Variants in HTR7 observed in about 807,000 individuals in gnomAD.
HTR7 encodes the protein 5-HT-7.
A neutral mutation model predicts 34.0 loss-of-function variants in HTR7; 16 were observed. That is an observed-to-expected ratio of 0.47 (90% confidence interval 0.32 to 0.71). The LOEUF (loss-of-function observed/expected upper bound fraction) is 0.71, where lower values mean the gene tolerates loss of function less well. Among genes scored for constraint, HTR7 ranks in the 30% least tolerant of loss-of-function variants. The pLI, the probability that HTR7 is intolerant of heterozygous loss-of-function variation, is 0.04. For missense variants in HTR7, 504 were observed against 625.5 expected, an observed-to-expected ratio of 0.81 and a Z score of 2.07; for synonymous variants, 265 against 260.2, an observed-to-expected ratio of 1.02 and a Z score of -0.18.
chr10:90,834,242 T>C (rs944995623), intron 1 of HTR7, among the ~76,000 whole-genome samples: 8 of 152,214 alleles, frequency 5.3e-5, no homozygotes, highest in African/African-American at 1.9e-4. Context: ...GTGCAAATCC[T>C]ACTAGTCCTC....
intron 1 of HTR7, among the ~76,000 whole-genome samples, chr10:90,806,281 G>A (rs1279106130): frequency 6.6e-6 from 1 of 152,194 alleles, no homozygotes; most frequent in South Asian, 2.1e-4. Flanking sequence ...CCATGGTATG[G>A]AGCTGCAGCT....
chr10:90,826,532 A>ACT (rs112343361), intron 1 of HTR7, among the ~76,000 whole-genome samples: 82,391 of 143,048 alleles, frequency 0.58, 22,833 homozygotes, highest in African/African-American at 0.74. Context: ...AAAAATAATA[A>ACT]TTTTAAGGCA....
intron 1 of HTR7, among the ~76,000 whole-genome samples, chr10:90,769,135 T>G (rs1256623634): frequency 6.6e-6 from 1 of 152,246 alleles, no homozygotes; most frequent in African/African-American, 2.4e-5. Flanking sequence ...TGCTGAATTA[T>G]TTGAATGTAA....
chr10:90,844,198 G>A (rs564504409), intron 1 of HTR7, among the ~76,000 whole-genome samples: 13 of 152,324 alleles, frequency 8.5e-5, no homozygotes, highest in Admixed American at 4.6e-4. Flanking sequence ...AAGACCAGGA[G>A]AACCCAATAA....
At chr10:90,743,986 G>C in intron 2 of HTR7, 1 of 554,990 alleles carries the variant, frequency 1.8e-6, no homozygotes, top group Non-Finnish European at 3.5e-6. Flanking sequence ...TAAATATTTG[G>C]GAGTAGGAAC....
chr10:90,796,884 C>A (rs541641767), intron 1 of HTR7, among the ~76,000 whole-genome samples: 2 of 152,046 alleles, frequency 1.3e-5, no homozygotes, highest in Admixed American at 6.6e-5. Flanking sequence ...TGGTGGCAGG[C>A]GCCTGTAGTC....
chr10:90,778,624 C>T (rs1307520880), intron 1 of HTR7, among the ~76,000 whole-genome samples: 1 of 152,178 alleles, frequency 6.6e-6, no homozygotes, highest in Non-Finnish European at 1.5e-5. Flanking sequence ...CTGTACTAAA[C>T]GAAAAGTCCC....
intron 1 of HTR7, among the ~76,000 whole-genome samples, chr10:90,836,287 G>A (rs1846250803): frequency 6.6e-6 from 1 of 152,074 alleles, no homozygotes; most frequent in Non-Finnish European, 1.5e-5. Flanking sequence ...ATTGCTTTTA[G>A]GATGAAAACG....
At chr10:90,812,839 T>C (rs1839944137) in intron 1 of HTR7, among the ~76,000 whole-genome samples, 1 of 152,218 alleles carries the variant, frequency 6.6e-6, no homozygotes, top group Admixed American at 6.5e-5. Flanking sequence ...AGCCAAGCCA[T>C]CGCATCCCCT....
At chr10:90,787,817 G>C (rs1354781103) in intron 1 of HTR7, among the ~76,000 whole-genome samples, 1 of 152,010 alleles carries the variant, frequency 6.6e-6, no homozygotes, top group Non-Finnish European at 1.5e-5. Flanking sequence ...TGTGAAACCA[G>C]GGACTCTGTC....
intron 1 of HTR7, among the ~76,000 whole-genome samples, chr10:90,805,674 G>C (rs1253418682): frequency 2.0e-5 from 3 of 152,300 alleles, no homozygotes; most frequent in African/African-American, 7.2e-5. Context: ...AATTAGGGGA[G>C]AGAAATTTTT....
intron 1 of HTR7, among the ~76,000 whole-genome samples, chr10:90,782,018 G>A (rs553411170): frequency 9.8e-5 from 15 of 152,334 alleles, no homozygotes; most frequent in Non-Finnish European, 1.9e-4. Context: ...CCAGGACCAA[G>A]CATTGGCCTC....
At chr10:90,784,831 G>A (rs1845358306) in intron 1 of HTR7, among the ~76,000 whole-genome samples, 1 of 152,198 alleles carries the variant, frequency 6.6e-6, no homozygotes, top group Admixed American at 6.5e-5. Context: ...GGCATCATTA[G>A]TTCCAGAACA....
intron 1 of HTR7, among the ~76,000 whole-genome samples, chr10:90,813,328 C>A (rs1034148282): frequency 1.3e-5 from 2 of 152,118 alleles, no homozygotes; most frequent in African/African-American, 4.8e-5. Context: ...TCAAGACCAG[C>A]CTGGCCAACA....
intron 1 of HTR7, among the ~76,000 whole-genome samples, chr10:90,804,743 T>C (rs551670388): frequency 1.3e-5 from 2 of 152,352 alleles, no homozygotes; most frequent in African/African-American, 4.8e-5. Flanking sequence ...TAAGCTATAA[T>C]TACAATTTTT....
chr10:90,761,569 T>A (rs564234946), intron 1 of HTR7, among the ~76,000 whole-genome samples: 1 of 151,602 alleles, frequency 6.6e-6, no homozygotes, highest in Non-Finnish European at 1.5e-5. Context: ...ATGGGCCACA[T>A]AGATGTGTTA....
intron 1 of HTR7, among the ~76,000 whole-genome samples, chr10:90,788,150 C>G (rs1254226338): frequency 6.6e-6 from 1 of 152,042 alleles, no homozygotes; most frequent in East Asian, 1.9e-4. Flanking sequence ...TGACAGCCAG[C>G]AAGGGATTAT....
chr10:90,781,061 T>G (rs2119845168), intron 1 of HTR7, among the ~76,000 whole-genome samples: 2 of 152,324 alleles, frequency 1.3e-5, no homozygotes, highest in African/African-American at 4.8e-5. Flanking sequence ...AAATTTCAAA[T>G]AATGCAAAAT....
In HTR7 at chr10:90,743,597, T is replaced by C; in HGVS notation, c.1389A>G (p.Leu463=). The C allele has an allele frequency of 6.2e-7, 1 of 1,613,310 alleles. No individual in the cohort carries two copies. The part of the protein sequence containing the change: ...VLQSPDHHNW[L]ADKMLTTVEK... ...CTCCCTTTCCTTGCTACCCACCTGC[T>C]AACCAATTGTGATGGTCTGGAGATT... The change falls in exon 3 of 4, where the codon TTA becomes TTG. Residue 463 remains leucine (L), a synonymous_variant. Coordinates refer to ENST00000336152, the MANE Select transcript of HTR7 (RefSeq NM_019859.4).
Sources: gnomAD v4.1 joint callset for allele counts (sites outside exome capture counted in the v4.1 genomes callset) on GRCh38, gnomAD v4.1.1 for gene constraint, MANE v1.5 for transcripts, NCBI Gene and HGNC (gene_info 2026-07-23, HGNC 2026-07-21) for gene names.